The following DCDC2 variants were observed in gnomAD, a reference collection of about 807,000 sequenced individuals.
DCDC2 encodes doublecortin domain containing 2, also known as doublecortin domain-containing protein 2.
Under a neutral mutation model 50.2 loss-of-function variants are expected in DCDC2, and 40 were observed. The observed-to-expected ratio is 0.80, with a 90% confidence interval of 0.62 to 1.04. The LOEUF (loss-of-function observed/expected upper bound fraction) is 1.04, where lower values mean the gene tolerates loss of function less well. DCDC2 is among the 50% of genes least tolerant of loss of function. DCDC2 has a pLI of 0.00. For missense variants in DCDC2, 570 were observed against 581.9 expected (o/e 0.98, Z 0.21); for synonymous variants, 234 against 210.6 (o/e 1.11, Z -0.96).
At chr6:24,289,992 T>C (rs202017787) in intron 5 of DCDC2, among the ~76,000 whole-genome samples, 1 of 88,130 alleles carries the variant, frequency 1.1e-5, no homozygotes, top group African/African-American at 5.0e-5. Flanking sequence ...TTTTTTTTTT[T>C]TTTTTTTTTT....
chr6:24,243,670 G>A (rs1762611929), intron 7 of DCDC2, among the ~76,000 whole-genome samples: 1 of 152,164 alleles, frequency 6.6e-6, no homozygotes, highest in Non-Finnish European at 1.5e-5. Context: ...GACATGACCT[G>A]TGCTCACAAG....
At chr6:24,321,353 T>C (rs1473661218) in intron 2 of DCDC2, among the ~76,000 whole-genome samples, 1 of 151,962 alleles carries the variant, frequency 6.6e-6, no homozygotes, top group Non-Finnish European at 1.5e-5. Flanking sequence ...CACAAGACGG[T>C]AATTAATTAC....
At chr6:24,187,349 T>C (rs1381095114) in intron 8 of DCDC2, among the ~76,000 whole-genome samples, 10 of 152,116 alleles carry the variant, frequency 6.6e-5, no homozygotes, top group Admixed American at 2.6e-4. Context: ...ACTCATGCTG[T>C]TCCTTATACC....
At chr6:24,309,168 A>G (rs1024346684) in intron 2 of DCDC2, among the ~76,000 whole-genome samples, 3 of 152,114 alleles carry the variant, frequency 2.0e-5, no homozygotes, top group Non-Finnish European at 4.4e-5. Flanking sequence ...TACTAAAAAT[A>G]CAAAAAATTA....
Position 24,290,948 on chromosome 6 carries a change from T to C in DCDC2, c.688A>G (p.Met230Val). The C allele has an allele frequency of 6.2e-7, 1 of 1,613,778 alleles. No individual in the cohort carries two copies. The highest frequency in any genetic ancestry group is 8.5e-7 in the Non-Finnish European group (1 of 1,179,928). The change falls in exon 5 of 10, where the codon ATG becomes GTG. Residue 230 changes from methionine (M) to valine (V), a missense_variant. Coordinates refer to ENST00000378454, the MANE Select transcript of DCDC2 (RefSeq NM_016356.5). ...YSELLFDKSTMRRPFGQKASS... is the reference protein window; with the variant it reads ...YSELLFDKSTVRRPFGQKASS... ...AAGACTTACCCAAAAGGCCTTCTCA[T>C]CGTTGACTTGTCAAAAAGTAACTCA... is the stretch of plus-strand genomic sequence containing the variant.
At chr6:24,253,318 A>T (rs370302083) in intron 7 of DCDC2, among the ~76,000 whole-genome samples, 19 of 152,214 alleles carry the variant, frequency 1.2e-4, no homozygotes, top group Non-Finnish European at 1.9e-4. Context: ...TAGATCCTAC[A>T]GGCATTTTCT....
At chr6:24,358,829 A>AT, upstream of DCDC2, among the ~76,000 whole-genome samples, 1 of 47,060 alleles carries the variant, frequency 2.1e-5, no homozygotes, top group Non-Finnish European at 3.3e-5. Context: ...TATATATTAT[A>AT]TTTATATATA....
chr6:24,375,888 GAGA>G, the DCDC2 span, among the ~76,000 whole-genome samples: 6 of 152,230 alleles, frequency 3.9e-5, no homozygotes, highest in Non-Finnish European at 7.4e-5. Context: ...GAGGGAGGGA[GAGA>G]AGGAGGGAGG....
At chr6:24,259,172 G>T (rs1164073041) in intron 7 of DCDC2, among the ~76,000 whole-genome samples, 4 of 151,964 alleles carry the variant, frequency 2.6e-5, no homozygotes, top group Admixed American at 2.6e-4. Flanking sequence ...AAAGCTCGGA[G>T]AATTTTTTAA....
chr6:24,252,238 T>C (rs1264564116), intron 7 of DCDC2, among the ~76,000 whole-genome samples: 2 of 152,188 alleles, frequency 1.3e-5, no homozygotes, highest in Admixed American at 6.5e-5. Context: ...ACAACACACA[T>C]ATAGTTCATA....
chr6:24,306,480 C>T (rs1759474593), intron 2 of DCDC2, among the ~76,000 whole-genome samples: 2 of 149,760 alleles, frequency 1.3e-5, no homozygotes, highest in Admixed American at 1.3e-4. Context: ...CCATTTCAAA[C>T]CCCTGAGTGG....
intron 8 of DCDC2, among the ~76,000 whole-genome samples, chr6:24,199,211 C>G (rs1434688031): frequency 1.3e-5 from 2 of 152,210 alleles, no homozygotes; most frequent in Non-Finnish European, 2.9e-5. Context: ...TGCCTCCTGA[C>G]TGGGAGAAAA....
At chr6:24,275,461 T>C (rs1034578491) in intron 7 of DCDC2, among the ~76,000 whole-genome samples, 2 of 152,226 alleles carry the variant, frequency 1.3e-5, no homozygotes, top group African/African-American at 4.8e-5. Flanking sequence ...CAAGATTCAT[T>C]TTCCAGGTTA....
intron 7 of DCDC2, among the ~76,000 whole-genome samples, chr6:24,234,334 G>A (rs1177634087): frequency 6.6e-6 from 1 of 152,188 alleles, no homozygotes; most frequent in Non-Finnish European, 1.5e-5. Flanking sequence ...ATACAAAAGA[G>A]TCAGAACATA....
At chr6:24,360,594 C>T (rs1347013156), upstream of DCDC2, among the ~76,000 whole-genome samples, 5 of 152,158 alleles carry the variant, frequency 3.3e-5, no homozygotes, top group African/African-American at 4.8e-5. Context: ...TCGCTTTGTC[C>T]AGTCCAGTCT....
At chr6:24,249,675 T>C (rs1762757569) in intron 7 of DCDC2, among the ~76,000 whole-genome samples, 1 of 152,160 alleles carries the variant, frequency 6.6e-6, no homozygotes, top group Non-Finnish European at 1.5e-5. Context: ...ACAGATTTAG[T>C]TGTAATCATT....
intron 7 of DCDC2, among the ~76,000 whole-genome samples, chr6:24,229,954 C>T (rs1762305877): frequency 6.6e-6 from 1 of 152,162 alleles, no homozygotes; most frequent in South Asian, 2.1e-4. Context: ...TTCTGACCCA[C>T]CCAGCCTGCT....
At chr6:24,217,140 A>T (rs1025728109) in intron 7 of DCDC2, among the ~76,000 whole-genome samples, 5 of 149,714 alleles carry the variant, frequency 3.3e-5, no homozygotes, top group East Asian at 1.9e-4. Flanking sequence ...AAAGAATCTT[A>T]AAAAAAAAAT....
chr6:24,345,122 T>C (rs1228874044), intron 2 of DCDC2, among the ~76,000 whole-genome samples: 1 of 152,204 alleles, frequency 6.6e-6, no homozygotes, highest in Non-Finnish European at 1.5e-5. Context: ...TAGTTCGCTC[T>C]TTGAAGCCTC....
Sources: allele counts gnomAD v4.1 joint callset (sites outside exome capture counted in the v4.1 genomes callset), GRCh38; gene constraint gnomAD v4.1.1; transcripts MANE v1.5; gene names NCBI Gene and HGNC (gene_info 2026-07-23, HGNC 2026-07-21).